Variants in SYNE1 observed in about 807,000 individuals in gnomAD.
The protein encoded by SYNE1 is nesprin-1.
A neutral mutation model predicts 1,111.0 loss-of-function variants in SYNE1; 616 were observed. That is an observed-to-expected ratio of 0.55 (90% CI 0.52 to 0.59). SYNE1 has a LOEUF of 0.59. Among genes scored for constraint, SYNE1 ranks in the 20% least tolerant of loss-of-function variants. The pLI is 0.00. For synonymous variants in SYNE1, 3,855 were observed against 3,825.8 expected, an observed-to-expected ratio of 1.01 and a Z score of -0.28; for missense variants, 10,006 against 10,417.0, an observed-to-expected ratio of 0.96 and a Z score of 1.72.
rs2062566766 is a variant in SYNE1, at chr6:152,161,819, G to A, written c.23790+2344C>T. On this transcript the variant is annotated intron_variant, in intron 131 of 145. Transcript: ENST00000367255. ...TTACCTTAAGTATCACTAATTGAAG[G>A]TACTTTTTGCTTGTCTGATCAGTTC... 2.0e-5 allele frequency among the ~76,000 whole-genome samples: 3 copies of A among 152,220 alleles called. No homozygotes were observed. In the South Asian group the frequency reaches 6.2e-4, roughly 32 times the overall value.
rs949049150 is a variant in SYNE1 at position 152,483,172 on chromosome 6, C to T, written c.1263G>A (p.Ala421=). The T allele has an allele frequency of 9.3e-6, 15 of 1,614,020 alleles. No individual in the cohort carries two copies. Among genetic ancestry groups the T allele is most frequent in the Middle Eastern group, 1.6e-4 (1 of 6,084 alleles). Residue 421 remains alanine, a synonymous_variant, in exon 14 of 146, where the codon GCG becomes GCA. Coordinates refer to ENST00000367255, the MANE Select transcript of SYNE1 (RefSeq NM_182961.4). Reference sequence around the variant, plus strand: ...TTATTTCCTCTCTCAGGGCCACCTCCGCTCTGTACAGCCAGGCACCTATGG... The same window carrying T: ...TTATTTCCTCTCTCAGGGCCACCTCTGCTCTGTACAGCCAGGCACCTATGG... ...LGTIGAWLYR[A]EVALREEITV... is the part of the protein sequence containing the mutation.
In SYNE1 at chr6:152,505,312, C is replaced by T. The variant is rs773802291; in HGVS notation, c.667G>A (p.Glu223Lys). 6.2e-7 allele frequency: 1 copy of T among 1,614,138 alleles called. No homozygotes were observed. Among genetic ancestry groups the T allele is most frequent in the South Asian group, 1.1e-5 (1 of 91,078 alleles). The change falls in exon 9 of 146, where the codon GAA becomes AAA. Residue 223 changes from glutamate to lysine, a missense_variant. Physicochemically the swap from Glu to Lys is moderately conservative, Grantham distance 56 (BLOSUM62 1). This residue lies in a region of SYNE1 where 1,971 missense variants were observed against 2,084.1 expected (regional missense o/e 0.95). Transcript: ENST00000367255. ...TTCACTGTCTCCAAGTCCACCAATTCCGGTCGAATGGCATGAATAACTGAA... is the reference window on the plus strand; with the variant it reads ...TTCACTGTCTCCAAGTCCACCAATTTCGGTCGAATGGCATGAATAACTGAA... ...FHSVIHAIRP[E>K]LVDLETVKGR... is the part of the protein sequence containing the mutation.
At chr6:152,550,424 A>G (rs1299621717) in intron 3 of SYNE1, among the ~76,000 whole-genome samples, 1 of 152,236 alleles carries the variant, frequency 6.6e-6, no homozygotes, top group South Asian at 2.1e-4. Flanking sequence ...CCAAATTTTA[A>G]TGTATTTGTC....
chr6:152,500,829 T>C (rs966781837), intron 10 of SYNE1, among the ~76,000 whole-genome samples: 3 of 151,604 alleles, frequency 2.0e-5, no homozygotes, highest in African/African-American at 7.3e-5. Flanking sequence ...CGGGCGCCTG[T>C]AGTCCCAGCT....
rs755616091 is a variant in SYNE1, at chr6:152,369,042, G to A, written c.9737C>T (p.Ala3246Val). The A allele has an allele frequency of 1.2e-6, 2 of 1,614,206 alleles. No homozygotes were observed. The highest frequency in any genetic ancestry group is 1.7e-6 in the Non-Finnish European group (2 of 1,180,044). ...CACTCTGTGCCTAAAGCTCTTGCTGGCAGCTTGTCCTTCCCACAGCTGCTG... is the reference window on the plus strand; with the variant it reads ...CACTCTGTGCCTAAAGCTCTTGCTGACAGCTTGTCCTTCCCACAGCTGCTG... Reference protein sequence around the residue: ...KAQQLWEGQAASKSFRHRVSQ... With the variant: ...KAQQLWEGQAVSKSFRHRVSQ... Residue 3246 changes from alanine (A) to valine (V), a missense_variant, in exon 61 of 146, where the codon GCC (alanine) becomes GTC (valine). Transcript: ENST00000367255.
At chr6:152,455,391 A>C (rs753627147) in intron 24 of SYNE1, 35 bp downstream of exon 24, 10 of 1,600,400 alleles carry the variant, frequency 6.2e-6, no homozygotes, top group Non-Finnish European at 8.5e-6. Flanking sequence ...TTGTCCATGT[A>C]TTCAGGTCAA....
chr6:152,230,401 C>G lies in SYNE1; in HGVS notation c.21195+146G>C. Reference sequence around the variant, plus strand: ...TGTATTTTAAAAAAAACCCTATAAACTCACAAAATCAGCAAAATTTGTTAC... The same window carrying G: ...TGTATTTTAAAAAAAACCCTATAAAGTCACAAAATCAGCAAAATTTGTTAC... On this transcript the variant is annotated intron_variant, in intron 115 of 145. Coordinates refer to ENST00000367255, the MANE Select transcript of SYNE1 (RefSeq NM_182961.4). 7 of 823,246 alleles carry G rather than the reference C, an allele frequency of 8.5e-6. No homozygotes were observed. The South Asian group carries it at 1.1e-4, about 13-fold the overall frequency. 51.0% of individuals were successfully genotyped at this position (823,246 alleles called of 1,614,324 possible). A position where few individuals can be genotyped will look rare whatever the true frequency, so the allele number is the denominator to read the frequency against.
chr6:152,631,866 C>G (rs950935539), intron 2 of SYNE1, among the ~76,000 whole-genome samples: 3 of 152,154 alleles, frequency 2.0e-5, no homozygotes, highest in African/African-American at 4.8e-5. Context: ...CAAACACTCT[C>G]CCCTTCATGC....
intron 74 of SYNE1, among the ~76,000 whole-genome samples, chr6:152,343,492 A>C (rs2096576057): frequency 7.1e-6 from 1 of 140,538 alleles, no homozygotes; most frequent in Admixed American, 7.2e-5. Flanking sequence ...TCTTTTTAAT[A>C]GTTTATTTTC....
intron 11 of SYNE1, among the ~76,000 whole-genome samples, chr6:152,494,935 T>G (rs566806070): frequency 6.6e-6 from 1 of 152,124 alleles, no homozygotes; most frequent in East Asian, 1.9e-4. Context: ...TCACTCCTAC[T>G]CACTCTCCCA....
At chr6:152,526,234 TTCTC>T (rs2099163075) in intron 4 of SYNE1, 59 bp from the exon 5 acceptor site, 2 of 1,523,010 alleles carry the variant, frequency 1.3e-6, no homozygotes, top group African/African-American at 2.7e-5. Flanking sequence ...GTTTCTCTCT[TTCTC>T]TCTCTCACCT....
intron 105 of SYNE1, among the ~76,000 whole-genome samples, chr6:152,248,863 T>C (rs1040919725): frequency 6.6e-6 from 1 of 152,164 alleles, no homozygotes; most frequent in African/African-American, 2.4e-5. Flanking sequence ...ACAGTTTGAC[T>C]TTCTGCCCTA....
rs963410455 is a variant in SYNE1, at chr6:152,502,732, C to A, written c.789G>T (p.Val263=). Residue 263 remains valine (V), a synonymous_variant, in exon 10 of 146, where the codon GTG becomes GTT. Coordinates refer to ENST00000367255, the MANE Select transcript of SYNE1 (RefSeq NM_182961.4). ...TAATAGATTTCTCATCTGGTTTATC[C>A]ACATCAACGTCTGAAAAAACAAAAA... ...PRLLDPEDVD[V]DKPDEKSIMT... The A allele has an allele frequency of 6.2e-7, 1 of 1,611,590 alleles. No homozygotes were observed. The highest frequency in any genetic ancestry group is 1.1e-5 in the South Asian group (1 of 91,022).
chr6:152,232,157 T>C lies in SYNE1; in HGVS notation c.20821A>G (p.Ile6941Val), dbSNP rs191912037. The stretch of plus-strand genomic sequence containing the variant: ...TATTCATGAATTGCCTTGTAACCTA[T>C]GGAATTTTTAATATTATCTTCATCC... ...QKDEDNIKNS[I>V]GYKAIHEYLQ... Residue 6941 changes from isoleucine (I) to valine (V), a missense_variant, in exon 113 of 146, where the codon ATA (isoleucine) becomes GTA (valine). Transcript: ENST00000367255. The C allele has an allele frequency of 8.7e-6, 14 of 1,606,652 alleles. No homozygotes were observed. The highest frequency in any genetic ancestry group is 1.2e-5 in the Non-Finnish European group (14 of 1,173,324).
intron 44 of SYNE1, among the ~76,000 whole-genome samples, chr6:152,408,084 G>A (rs2097931157): frequency 2.0e-5 from 3 of 151,942 alleles, no homozygotes; most frequent in Admixed American, 2.0e-4. Flanking sequence ...TTTTAAAAGT[G>A]GAAGCATGTA....
intron 4 of SYNE1, among the ~76,000 whole-genome samples, chr6:152,533,287 AC>A (rs148616870): frequency 0.027 from 4,044 of 151,780 alleles, 206 homozygotes; most frequent in African/African-American, 0.093. Flanking sequence ...AATCCTTTCC[AC>A]TTCCTCGATT....
intron 127 of SYNE1, among the ~76,000 whole-genome samples, chr6:152,192,090 C>A (rs574022925): frequency 1.3e-5 from 2 of 152,212 alleles, no homozygotes; most frequent in African/African-American, 4.8e-5. Flanking sequence ...TAGTTTTATT[C>A]CATTATGATC....
chr6:152,282,881 A>G (rs1381871754), intron 96 of SYNE1, among the ~76,000 whole-genome samples: 2 of 152,098 alleles, frequency 1.3e-5, no homozygotes, highest in Non-Finnish European at 2.9e-5. Flanking sequence ...TATAATAGGT[A>G]AAACTAGAGA....
At chr6:152,297,826 C>T (rs73783824) in intron 93 of SYNE1, among the ~76,000 whole-genome samples, 2,323 of 84,964 alleles carry the variant, frequency 0.027, 58 homozygotes, top group African/African-American at 0.083. Context: ...TGTGTGTGCG[C>T]GCGCACGTGG....
Sources: gnomAD v4.1 joint callset for allele counts (sites outside exome capture counted in the v4.1 genomes callset) on GRCh38, gnomAD v4.1.1 for gene constraint, gnomAD v4.1.1 regional missense constraint, MANE v1.5 for transcripts, NCBI Gene and HGNC (gene_info 2026-07-23, HGNC 2026-07-21) for gene names.